DMD: variants seen among roughly 807,000 people sequenced by gnomAD.
DMD encodes mutant dystrophin.
A neutral mutation model predicts 330.1 loss-of-function variants in DMD; 63 were observed. That is an observed-to-expected ratio of 0.19 (90% CI 0.16 to 0.24). DMD has a LOEUF of 0.24. Ranked by LOEUF, DMD falls within the 10% of genes least tolerant of loss-of-function variation. DMD has a pLI of 1.00. For synonymous variants in DMD, 1,223 were observed against 959.8 expected, an observed-to-expected ratio of 1.27 and a Z score of -5.07; for missense variants, 3,344 against 2,684.1, an observed-to-expected ratio of 1.25 and a Z score of -5.43.
chrX:31,302,386 AT>A (rs1390123214), intron 62 of DMD, among the ~76,000 whole-genome samples: 1 of 111,891 alleles, frequency 8.9e-6, no homozygotes, highest in Non-Finnish European at 1.9e-5. Context: ...AATATGCAAG[AT>A]TAGATAGAAA....
chrX:31,647,316 G>T (rs141423905), intron 54 of DMD, among the ~76,000 whole-genome samples: 1 of 111,611 alleles, frequency 9.0e-6, no homozygotes, highest in African/African-American at 3.3e-5. Flanking sequence ...GCAGATTTGG[G>T]ATGGAACAAC....
intron 7 of DMD, among the ~76,000 whole-genome samples, chrX:32,737,348 TC>T (rs762419045): frequency 1.8e-5 from 2 of 111,482 alleles, no homozygotes; most frequent in African/African-American, 3.3e-5. Flanking sequence ...GAAAGCTTTT[TC>T]TATGAAAATG....
chrX:31,473,732 A>AAAAG (rs1281413055), intron 59 of DMD, among the ~76,000 whole-genome samples: 1 of 109,522 alleles, frequency 9.1e-6, no homozygotes, highest in African/African-American at 3.3e-5. Context: ...AAAAAAAGAA[A>AAAAG]ACAACAATCC....
chrX:31,401,058 G>A (rs2061170018), intron 60 of DMD, among the ~76,000 whole-genome samples: 1 of 111,690 alleles, frequency 9.0e-6, no homozygotes, highest in Non-Finnish European at 1.9e-5. Context: ...GGGTTTGAAT[G>A]ACCAAACTGA....
At chrX:32,197,544 G>A (rs185845977) in intron 44 of DMD, among the ~76,000 whole-genome samples, 24 of 111,544 alleles carry the variant, frequency 2.2e-4, no homozygotes, top group Admixed American at 1.8e-3. Context: ...ACTTCAGGGG[G>A]TCAATAGCAT....
At chrX:32,432,179 T>C (rs1233545096) in intron 29 of DMD, among the ~76,000 whole-genome samples, 1 of 111,881 alleles carries the variant, frequency 8.9e-6, no homozygotes, top group East Asian at 2.8e-4. Context: ...TTTATGTTTG[T>C]TCTCTCTGCA....
chrX:32,268,250 G>A (rs1008343947), intron 43 of DMD, among the ~76,000 whole-genome samples: 3 of 111,317 alleles, frequency 2.7e-5, no homozygotes, highest in Admixed American at 1.9e-4. Flanking sequence ...TCCTACAGCC[G>A]GAAACTGCAT....
At chrX:31,398,067 G>A (rs981251896) in intron 60 of DMD, among the ~76,000 whole-genome samples, 14 of 112,488 alleles carry the variant, frequency 1.2e-4, no homozygotes, top group Non-Finnish European at 2.2e-4. Context: ...AACACATATA[G>A]TATGTACTGT....
At chrX:32,724,512 T>A (rs2066659743) in intron 7 of DMD, among the ~76,000 whole-genome samples, 1 of 111,617 alleles carries the variant, frequency 9.0e-6, no homozygotes, top group South Asian at 3.7e-4. Flanking sequence ...ACAATTCAGT[T>A]AGGAAGAAAA....
chrX:32,955,634 T>C (rs943493809), intron 2 of DMD, among the ~76,000 whole-genome samples: 1 of 111,925 alleles, frequency 8.9e-6, no homozygotes, highest in African/African-American at 3.2e-5. Context: ...CTAAATGGTA[T>C]TGCCCGGGTT....
intron 1 of DMD, among the ~76,000 whole-genome samples, chrX:33,201,048 C>T (rs1158700515): frequency 1.9e-5 from 2 of 106,060 alleles, no homozygotes; most frequent in Non-Finnish European, 3.9e-5. Flanking sequence ...TCTCCTGCCA[C>T]AGCCTCCTGA....
Position 32,464,662 on chromosome X carries a change from A to G in DMD, c.3200T>C (p.Val1067Ala), listed in dbSNP as rs1569563754. ...IQTLKKWMAE[V>A]DVFLKEEWPA... ...CCATTCCTCCTTCAGAAAAACATCA[A>G]CTTCAGCCATCCATTTCTTCAGGGT... The change falls in exon 24 of 79, where the codon GTT becomes GCT. Residue 1067 changes from valine to alanine, a missense_variant. Coordinates refer to ENST00000357033, the MANE Select transcript of DMD (RefSeq NM_004006.3). The G allele has an allele frequency of 4.1e-6, 5 of 1,207,538 alleles. No individual in the cohort carries two copies. Among genetic ancestry groups the G allele is most frequent in the African/African-American group, 1.8e-5 (1 of 57,023 alleles).
intron 2 of DMD, among the ~76,000 whole-genome samples, chrX:32,853,151 T>C (rs2081270044): frequency 8.9e-6 from 1 of 111,958 alleles, no homozygotes; most frequent in African/African-American, 3.2e-5. Flanking sequence ...GATAAAGACC[T>C]TCCAAGACAG....
intron 22 of DMD, among the ~76,000 whole-genome samples, chrX:32,470,533 A>G (rs2040519065): frequency 9.0e-6 from 1 of 111,244 alleles, no homozygotes; most frequent in Non-Finnish European, 1.9e-5. Flanking sequence ...TTCAGTGGAA[A>G]TAGTCTCTTC....
At chrX:31,693,931 A>G (rs1355370916) in intron 52 of DMD, among the ~76,000 whole-genome samples, 1 of 111,830 alleles carries the variant, frequency 8.9e-6, no homozygotes, top group Non-Finnish European at 1.9e-5. Context: ...TTTGCATGGA[A>G]CCACAAAAGA....
intron 60 of DMD, among the ~76,000 whole-genome samples, chrX:31,432,064 C>T (rs757836559): frequency 1.8e-5 from 2 of 111,902 alleles, no homozygotes; most frequent in Admixed American, 9.4e-5. Context: ...CTGCTCACCT[C>T]GGCCTCCCAG....
intron 25 of DMD, among the ~76,000 whole-genome samples, chrX:32,462,328 T>C (rs912580503): frequency 1.8e-5 from 2 of 112,036 alleles, no homozygotes; most frequent in East Asian, 5.6e-4. Flanking sequence ...TATTTTACTG[T>C]GCTCACCGAT....
intron 59 of DMD, among the ~76,000 whole-genome samples, chrX:31,445,137 G>A (rs1395553271): frequency 8.9e-6 from 1 of 112,126 alleles, no homozygotes; most frequent in Non-Finnish European, 1.9e-5. Flanking sequence ...ATGGATATTT[G>A]TTAATGGGGG....
chrX:31,883,069 A>T (rs185476537), intron 47 of DMD, among the ~76,000 whole-genome samples: 8 of 111,890 alleles, frequency 7.1e-5, no homozygotes, highest in African/African-American at 2.6e-4. Flanking sequence ...ACACAGCCCA[A>T]TGTCCATTGA....
Sources: gnomAD v4.1 joint callset for allele counts (sites outside exome capture counted in the v4.1 genomes callset) on GRCh38, gnomAD v4.1.1 for gene constraint, MANE v1.5 for transcripts, NCBI Gene and HGNC (gene_info 2026-07-23, HGNC 2026-07-21) for gene names.